Variants in CLMN observed in about 807,000 individuals in gnomAD.
CLMN encodes calmin (calponin-like, transmembrane).
In CLMN, 57 loss-of-function variants were observed where a neutral mutation model predicts 92.7. That is an observed-to-expected ratio of 0.61 (90% CI 0.50 to 0.77). CLMN has a LOEUF of 0.77. Ranked by LOEUF, CLMN falls within the 30% of genes least tolerant of loss-of-function variation. The probability of loss-of-function intolerance (pLI) is 0.00; values close to 1 mark genes in which losing one functional copy is unlikely to be tolerated. For missense variants in CLMN, 1,158 were observed against 1,237.5 expected (o/e 0.94, Z 0.96); for synonymous variants, 466 against 470.6 (o/e 0.99, Z 0.13).
chr14:95,311,713 T>A (rs1901549452), intron 1 of CLMN, among the ~76,000 whole-genome samples: 1 of 152,188 alleles, frequency 6.6e-6, no homozygotes, highest in South Asian at 2.1e-4. Context: ...GCTTCCGTCC[T>A]GCTGAGGAGC....
chr14:95,245,409 T>C (rs969349171), intron 1 of CLMN, among the ~76,000 whole-genome samples: 57 of 148,830 alleles, frequency 3.8e-4, no homozygotes, highest in Non-Finnish European at 4.9e-4. Flanking sequence ...GAATGTCTTA[T>C]AAATCTTTGT....
chr14:95,313,143 T>G (rs1040993377), intron 1 of CLMN, among the ~76,000 whole-genome samples: 2 of 152,234 alleles, frequency 1.3e-5, no homozygotes, highest in South Asian at 4.1e-4. Flanking sequence ...GAGGCAGAGG[T>G]TGCAGTGAGT....
intron 1 of CLMN, among the ~76,000 whole-genome samples, chr14:95,313,949 G>T (rs1451156670): frequency 1.3e-5 from 2 of 152,206 alleles, no homozygotes; most frequent in Non-Finnish European, 2.9e-5. Context: ...GAGACATCCC[G>T]CCTCTCTCAT....
intron 1 of CLMN, among the ~76,000 whole-genome samples, chr14:95,288,011 T>G (rs1397151987): frequency 1.3e-5 from 2 of 152,204 alleles, no homozygotes; most frequent in Non-Finnish European, 2.9e-5. Flanking sequence ...TTGGACAGGT[T>G]TTATGCCCAT....
At position 95,188,159 on chromosome 14, in the gene CLMN, A is replaced by C. The variant is rs1896482259; in HGVS notation, c.*3405T>G. 6.6e-6 allele frequency: 1 copy of C among 152,238 alleles called. No homozygotes were observed. The highest frequency in any genetic ancestry group is 2.1e-4 in the South Asian group (1 of 4,832). The allele number at this position is 152,238 out of a possible 1,614,324, so 9.4% of individuals were successfully genotyped here. On this transcript the variant is annotated 3_prime_UTR_variant, in exon 13 of 13. Transcript: ENST00000298912. The stretch of plus-strand genomic sequence containing the variant: ...CACCAGTTGGCACACACAACTTCCA[A>C]TCAGCTTTTGGATGCCTCACTCTTA...
chr14:95,203,536 G>T lies in CLMN; in HGVS notation c.1813C>A (p.Leu605Ile), dbSNP rs1896951351. The change falls in exon 9 of 13, where the codon CTA becomes ATA. Residue 605 changes from leucine to isoleucine, a missense_variant. Transcript: ENST00000298912. ...GCAGATTTAATACTCCTTTTACCTA[G>T]TTTTTCAGCATGATTCTCAAAAGCC... ...AEAFENHAEK[L>I]GKRSIKSAHK... 1 of 1,613,994 alleles carries T rather than the reference G, an allele frequency of 6.2e-7. No individual in the cohort carries two copies.
rs2282272 is a variant in CLMN, at chr14:95,194,245, C to T, written c.2769+291G>A. ...CTCATGTTGCACCTCTGTCTCTGAA[C>T]GTGATCCTTCTGGGTGCGCGCGGGG... On this transcript the variant is annotated intron_variant, in intron 11 of 12. Coordinates refer to ENST00000298912, the MANE Select transcript of CLMN (RefSeq NM_024734.4). This position sits in a 1 kb window ranked among gnomAD's most constrained non-coding sequence, Gnocchi z 4.0. 7 of 1,390,284 alleles carry T rather than the reference C, an allele frequency of 5.0e-6. No homozygotes were observed. The highest frequency in any genetic ancestry group is 2.7e-5 in the East Asian group (1 of 36,770). 86.1% of individuals were successfully genotyped at this position (1,390,284 alleles called of 1,614,324 possible). A position where few individuals can be genotyped will look rare whatever the true frequency, so the allele number is the denominator to read the frequency against.
At chr14:95,274,049 T>G (rs1899823247) in intron 1 of CLMN, among the ~76,000 whole-genome samples, 1 of 152,216 alleles carries the variant, frequency 6.6e-6, no homozygotes, top group African/African-American at 2.4e-5. Context: ...TAGTTCTCAG[T>G]GTCATTACCC....
intron 1 of CLMN, among the ~76,000 whole-genome samples, chr14:95,278,852 A>T (rs1245135350): frequency 1.3e-5 from 2 of 152,096 alleles, no homozygotes; most frequent in Non-Finnish European, 2.9e-5. Flanking sequence ...CCCTTTTGAG[A>T]TCCAGGATCC....
intron 1 of CLMN, among the ~76,000 whole-genome samples, chr14:95,284,692 T>G (rs1437923578): frequency 2.6e-5 from 4 of 152,146 alleles, no homozygotes; most frequent in African/African-American, 9.7e-5. Flanking sequence ...TTTGGCCAAT[T>G]TCTCCCATTT....
intron 1 of CLMN, among the ~76,000 whole-genome samples, chr14:95,287,324 G>C (rs963864774): frequency 1.3e-5 from 2 of 152,216 alleles, no homozygotes; most frequent in Non-Finnish European, 2.9e-5. Flanking sequence ...AGGCTCCATG[G>C]AGGCCACATG....
intron 8 of CLMN, among the ~76,000 whole-genome samples, chr14:95,204,852 G>C (rs1383773353): frequency 6.6e-6 from 1 of 152,180 alleles, no homozygotes; most frequent in Non-Finnish European, 1.5e-5. Flanking sequence ...TATGGACTTG[G>C]AGAAGAGCTA....
At position 95,203,526 on chromosome 14, in the gene CLMN, C is replaced by A. The variant is rs1217626225; in HGVS notation, c.1823G>T (p.Arg608Met). Residue 608 changes from arginine to methionine, a missense_variant, in exon 9 of 13, where the codon AGG (arginine) becomes ATG (methionine). By Grantham distance (91) the Arg-to-Met change is moderately conservative (BLOSUM62 -1). Coordinates refer to ENST00000298912, the MANE Select transcript of CLMN (RefSeq NM_024734.4). ...FENHAEKLGK[R>M]SIKSAHKKKD... is the part of the protein sequence containing the mutation. ...CTTTTTGTGAGCAGATTTAATACTC[C>A]TTTTACCTAGTTTTTCAGCATGATT... 6.2e-7 allele frequency: 1 copy of A among 1,614,024 alleles called. No individual in the cohort carries two copies. The highest frequency in any genetic ancestry group is 2.2e-5 in the East Asian group (1 of 44,892).
intron 1 of CLMN, among the ~76,000 whole-genome samples, chr14:95,303,748 A>C (rs1901158260): frequency 6.6e-6 from 1 of 152,162 alleles, no homozygotes; most frequent in African/African-American, 2.4e-5. Context: ...GGCAGCACCC[A>C]TTTACCAGCC....
chr14:95,276,602 C>CTCTT (rs1204990812), intron 1 of CLMN, among the ~76,000 whole-genome samples: 3 of 152,188 alleles, frequency 2.0e-5, no homozygotes, highest in Non-Finnish European at 4.4e-5. Context: ...CAATACTTTT[C>CTCTT]TCTTTCTTTC....
chr14:95,211,649 TA>T (rs540566941), intron 6 of CLMN, among the ~76,000 whole-genome samples: 4,286 of 130,054 alleles, frequency 0.033, 155 homozygotes, highest in African/African-American at 0.091. Context: ...TAAACGCTCT[TA>T]AAAAAAAAAA....
At chr14:95,251,865 G>A (rs1898800340) in intron 1 of CLMN, among the ~76,000 whole-genome samples, 1 of 152,148 alleles carries the variant, frequency 6.6e-6, no homozygotes. Context: ...TATTCTCATA[G>A]CTCCAGGCAC....
chr14:95,197,283 A>G (rs1320645264), intron 9 of CLMN, among the ~76,000 whole-genome samples: 1 of 151,496 alleles, frequency 6.6e-6, no homozygotes, highest in Non-Finnish European at 1.5e-5. Context: ...GAGGAGGAAG[A>G]AGGAGAAGGA....
Position 95,194,370 on chromosome 14 carries a change from C to G in CLMN, c.2769+166G>C. The G allele has an allele frequency of 6.9e-7, 1 of 1,456,192 alleles. No homozygotes were observed. Among genetic ancestry groups the G allele is most frequent in the Non-Finnish European group, 9.1e-7 (1 of 1,103,232 alleles). The allele number at this position is 1,456,192 out of a possible 1,614,324, so 90.2% of individuals were successfully genotyped here. On this transcript the variant is annotated intron_variant, in intron 11 of 12. Coordinates refer to ENST00000298912, the MANE Select transcript of CLMN (RefSeq NM_024734.4). This position sits in a 1 kb window ranked among gnomAD's most constrained non-coding sequence, Gnocchi z 4.0. ...TCTCTTATTGCCCAAACCGGATATCCGATCGGACTGTGCTTAATGATAAGG... is the reference window on the plus strand; with the variant it reads ...TCTCTTATTGCCCAAACCGGATATCGGATCGGACTGTGCTTAATGATAAGG...
Sources: allele counts gnomAD v4.1 joint callset (sites outside exome capture counted in the v4.1 genomes callset), GRCh38; gene constraint gnomAD v4.1.1; non-coding constraint Gnocchi (gnomAD v3.1); transcripts MANE v1.5; gene names NCBI Gene and HGNC (gene_info 2026-07-23, HGNC 2026-07-21).